ZBTB4: variants seen among roughly 807,000 people sequenced by gnomAD.
The protein encoded by ZBTB4 is zinc finger and BTB domain-containing protein 4.
ZBTB4 carries 14 observed loss-of-function variants against 59.8 expected under a neutral mutation model. The ratio of observed to expected loss-of-function variants is 0.23; its 90% CI spans 0.15 to 0.37. ZBTB4 has a LOEUF of 0.37. Ranked by LOEUF, ZBTB4 falls within the 10% of genes least tolerant of loss-of-function variation. ZBTB4 has a pLI of 1.00. For missense variants in ZBTB4, 1,198 were observed against 1,380.8 expected, an observed-to-expected ratio of 0.87 and a Z score of 2.10; for synonymous variants, 587 against 575.2, an observed-to-expected ratio of 1.02 and a Z score of -0.29.
At chr17:7,481,846 T>G (rs1286662859), upstream of ZBTB4, 3 of 1,240,350 alleles carry the variant, frequency 2.4e-6, no homozygotes, top group East Asian at 5.1e-5. Context: ...TTAGGCCCTT[T>G]CTAGCTCCGA....
rs2070136724 is a variant in ZBTB4, at chr17:7,466,927, G to T, written c.-9-117C>A. 2 of 1,424,384 alleles carry T rather than the reference G, an allele frequency of 1.4e-6. No individual in the cohort carries two copies. Among genetic ancestry groups the T allele is most frequent in the Admixed American group, 2.9e-5 (1 of 34,922 alleles). The allele number at this position is 1,424,384 out of a possible 1,614,324, so 88.2% of individuals were successfully genotyped here. ...GCTGGTCAGAAACTAGTGGAAGGCT[G>T]AATCACTTCTGGTCACAGAAGTCAG... On this transcript the variant is annotated intron_variant, in intron 2 of 3. Coordinates refer to ENST00000380599, the MANE Select transcript of ZBTB4 (RefSeq NM_001128833.2). This position sits in a 1 kb window ranked among gnomAD's most constrained non-coding sequence, Gnocchi z 9.1.
chr17:7,470,083 A>AAAAT (rs935500569), intron 1 of ZBTB4, among the ~76,000 whole-genome samples: 1 of 152,048 alleles, frequency 6.6e-6, no homozygotes, highest in African/African-American at 2.4e-5. Context: ...TCTGTCTCAA[A>AAAAT]AAATAAATAA....
chr17:7,464,757 G>C (rs969756430), intron 3 of ZBTB4, among the ~76,000 whole-genome samples: 2 of 150,462 alleles, frequency 1.3e-5, no homozygotes, highest in Admixed American at 6.6e-5. Context: ...AGAATCGCTT[G>C]AACCCAGGAG....
At chr17:7,468,357 G>A (rs571529603) in intron 1 of ZBTB4, among the ~76,000 whole-genome samples, 1 of 151,490 alleles carries the variant, frequency 6.6e-6, no homozygotes, top group South Asian at 2.1e-4. Context: ...TGGGCAACAA[G>A]AGCAAAACTC....
At chr17:7,482,875 G>A, upstream of ZBTB4, 2 of 1,612,028 alleles carry the variant, frequency 1.2e-6, no homozygotes, top group Non-Finnish European at 8.5e-7. Flanking sequence ...TTATACTGCA[G>A]TATTATATGC....
chr17:7,463,864 G>T lies in ZBTB4; in HGVS notation c.1118C>A (p.Thr373Asn). The change falls in exon 4 of 4, where the codon ACC becomes AAC. Residue 373 changes from threonine to asparagine, a missense_variant. By Grantham distance (65) the Thr-to-Asn change is moderately conservative. Coordinates refer to ENST00000380599, the MANE Select transcript of ZBTB4 (RefSeq NM_001128833.2). The part of the protein sequence containing the change: ...RRYQCIFCWE[T>N]FVTYYNLKTH... ...CTTCAGGTTATAGTAAGTGACAAAG[G>T]TCTCCCAACAGAAGATGCACTGGTA... is the stretch of plus-strand genomic sequence containing the variant. 1 of 1,613,796 alleles carries T rather than the reference G, an allele frequency of 6.2e-7. No homozygotes were observed. The highest frequency in any genetic ancestry group is 8.5e-7 in the Non-Finnish European group (1 of 1,179,900).
At position 7,462,265 on chromosome 17, in the gene ZBTB4, C is replaced by T. The variant is rs148845628; in HGVS notation, c.2717G>A (p.Arg906Gln). The change falls in exon 4 of 4, where the codon CGG becomes CAG. Residue 906 changes from arginine to glutamine, a missense_variant. This residue lies in a region of ZBTB4 where 211 missense variants were observed against 236.1 expected (regional missense o/e 0.89). Transcript: ENST00000380599. This position sits in a 1 kb window ranked among gnomAD's most constrained non-coding sequence, Gnocchi z 7.5. ...TTTGGCAGCCCCTATCCCCTCCATCCGGTCCCCCTCACCAGCCCCCACTGG... is the reference window on the plus strand; with the variant it reads ...TTTGGCAGCCCCTATCCCCTCCATCTGGTCCCCCTCACCAGCCCCCACTGG... ...EGPVGAGEGD[R>Q]MEGIGAAKVT... 2,957 of 1,613,748 alleles carry T rather than the reference C, an allele frequency of 1.8e-3. 38 individuals are homozygous for T. The highest frequency in any genetic ancestry group is 0.012 in the Admixed American group (715 of 59,986).
At chr17:7,477,124 T>G (rs371310698) in intron 1 of ZBTB4, among the ~76,000 whole-genome samples, 19 of 152,158 alleles carry the variant, frequency 1.2e-4, no homozygotes, top group African/African-American at 3.6e-4. Context: ...TGGTGCACGG[T>G]CAGTGCTAAG....
At chr17:7,477,262 T>C (rs899633748) in intron 1 of ZBTB4, among the ~76,000 whole-genome samples, 2 of 152,188 alleles carry the variant, frequency 1.3e-5, no homozygotes, top group East Asian at 3.8e-4. Context: ...CCGTTTCCCA[T>C]GTGCTTTTGG....
chr17:7,483,769 A>G (rs975252345), upstream of ZBTB4, among the ~76,000 whole-genome samples: 5 of 152,064 alleles, frequency 3.3e-5, no homozygotes, highest in African/African-American at 1.2e-4. Flanking sequence ...TCCCAGCTGA[A>G]GTCTCTTCGA....
chr17:7,463,390 G>A lies in ZBTB4; in HGVS notation c.1592C>T (p.Ala531Val), dbSNP rs763266806. The A allele has an allele frequency of 6.3e-7, 1 of 1,595,552 alleles. No individual in the cohort carries two copies. Among genetic ancestry groups the A allele is most frequent in the Non-Finnish European group, 8.5e-7 (1 of 1,171,252 alleles). ...EYPPPPPEPA[A>V]TPTSPATAVS... ...TGCTGTGGCTGGGCTGGTGGGTGTG[G>A]CTGCAGGCTCAGGGGGAGGAGGTGG... The change falls in exon 4 of 4, where the codon GCC becomes GTC. Residue 531 changes from alanine to valine, a missense_variant. Around this residue, in one of 9 missense-constraint regions of ZBTB4, gnomAD observed 550 missense variants for 541.8 expected, o/e 1.02. Coordinates refer to ENST00000380599, the MANE Select transcript of ZBTB4 (RefSeq NM_001128833.2).
chr17:7,463,675 T>G lies in ZBTB4; in HGVS notation c.1307A>C (p.Glu436Ala), dbSNP rs200263417. Reference protein sequence around the residue: ...PYKTYSQGAPEAPLSPTLNTP... With the variant: ...PYKTYSQGAPAAPLSPTLNTP... ...GTTGAGGGTTGGAGAAAGGGGAGCCTCCGGGGCTCCCTGGCTGTAGGTCTT... is the reference window on the plus strand; with the variant it reads ...GTTGAGGGTTGGAGAAAGGGGAGCCGCCGGGGCTCCCTGGCTGTAGGTCTT... The change falls in exon 4 of 4, where the codon GAG becomes GCG. Residue 436 changes from glutamate to alanine, a missense_variant. Glu to Ala is a moderately radical substitution (Grantham distance 107). Transcript: ENST00000380599. 379 of 1,613,666 alleles carry G rather than the reference T, an allele frequency of 2.3e-4. 2 individuals are homozygous for G. The Middle Eastern group carries it at 5.3e-3, about 22-fold the overall frequency.
intron 3 of ZBTB4, among the ~76,000 whole-genome samples, chr17:7,464,728 C>G: frequency 6.6e-6 from 1 of 150,944 alleles, no homozygotes; most frequent in East Asian, 2.0e-4. Context: ...ATCCCAGATA[C>G]TCGGGAAGCT....
In ZBTB4 at chr17:7,462,746, C is replaced by G. The variant is rs1340317534; in HGVS notation, c.2236G>C (p.Glu746Gln). The part of the protein sequence containing the change: ...TTLRKLRKHQ[E>Q]AHGGGSHSSR... ...CTGTGGGAGCCCCCACCGTGGGCCT[C>G]TTGGTGCTTCCGCAGCTTTCTCAGG... Residue 746 changes from glutamate to glutamine, a missense_variant, in exon 4 of 4, where the codon GAG becomes CAG. Glu to Gln is a conservative substitution (Grantham distance 29). Transcript: ENST00000380599. The surrounding 1 kb of genome is among the most constrained non-coding windows in gnomAD (Gnocchi z 7.5). The G allele has an allele frequency of 6.2e-7, 1 of 1,603,446 alleles. No individual in the cohort carries two copies. Among genetic ancestry groups the G allele is most frequent in the Non-Finnish European group, 8.5e-7 (1 of 1,179,818 alleles).
intron 1 of ZBTB4, among the ~76,000 whole-genome samples, chr17:7,473,844 C>T (rs1440887865): frequency 6.6e-6 from 1 of 152,128 alleles, no homozygotes; most frequent in Non-Finnish European, 1.5e-5. Context: ...GCCACTGCGC[C>T]CAGCTCCTAT....
upstream of ZBTB4, chr17:7,482,833 C>T (rs752587365): frequency 1.4e-5 from 22 of 1,611,918 alleles, no homozygotes; most frequent in Admixed American, 3.3e-5. Flanking sequence ...CCCTGGTGTG[C>T]GCTGTCCTGC....
In ZBTB4 at chr17:7,462,649, G is replaced by A. The variant is rs1194572440; in HGVS notation, c.2333C>T (p.Ala778Val). ...PHCAKVCKTA[A>V]ALSRHGQRHA... ...CCTCTGCCCGTGGCGGCTCAGGGCA[G>A]CTGCGGTCTTGCACACCTTGGCGCA... is the stretch of plus-strand genomic sequence containing the variant. Residue 778 changes from alanine to valine, a missense_variant, in exon 4 of 4, where the codon GCT becomes GTT. Ala to Val is a moderately conservative substitution (Grantham distance 64). Transcript: ENST00000380599. This position sits in a 1 kb window ranked among gnomAD's most constrained non-coding sequence, Gnocchi z 7.5. The A allele has an allele frequency of 6.2e-7, 1 of 1,608,158 alleles. No homozygotes were observed. The highest frequency in any genetic ancestry group is 8.5e-7 in the Non-Finnish European group (1 of 1,178,342).
In ZBTB4 at chr17:7,462,838, C is replaced by A; in HGVS notation, c.2144G>T (p.Ser715Ile). The A allele has an allele frequency of 6.2e-7, 1 of 1,603,436 alleles. No homozygotes were observed. Residue 715 changes from serine to isoleucine, a missense_variant, in exon 4 of 4, where the codon AGC (serine) becomes ATC (isoleucine). Ser to Ile is a moderately radical substitution (Grantham distance 142). Transcript: ENST00000380599. The surrounding 1 kb of genome is among the most constrained non-coding windows in gnomAD (Gnocchi z 7.5). Reference sequence around the variant, plus strand: ...CTCTGTGCGGGCACGTCCCGCTGGGCTCTCGGCCGCTGGGGTTTCCTCCCA... The same window carrying A: ...CTCTGTGCGGGCACGTCCCGCTGGGATCTCGGCCGCTGGGGTTTCCTCCCA... ...RSWEETPAAE[S>I]PAGRARTERR...
chr17:7,465,194 C>T (rs35490807), intron 3 of ZBTB4, among the ~76,000 whole-genome samples: 121,128 of 146,868 alleles, frequency 0.82, 50,132 homozygotes, highest in Middle Eastern at 0.89. Flanking sequence ...TGTGGTGGCT[C>T]ACGCCTGTAA....
Sources: allele counts gnomAD v4.1 joint callset (sites outside exome capture counted in the v4.1 genomes callset), GRCh38; gene constraint gnomAD v4.1.1; regional missense constraint gnomAD v4.1.1; non-coding constraint Gnocchi (gnomAD v3.1); transcripts MANE v1.5; gene names NCBI Gene and HGNC (gene_info 2026-07-23, HGNC 2026-07-21).